The following CSMD1 variants were observed in gnomAD, a reference collection of about 807,000 sequenced individuals.
The protein encoded by CSMD1 is CUB and Sushi multiple domains 1.
Under a neutral mutation model 417.5 loss-of-function variants are expected in CSMD1, and 213 were observed. The ratio of observed to expected loss-of-function variants is 0.51; its 90% CI spans 0.46 to 0.57. The LOEUF (loss-of-function observed/expected upper bound fraction) is 0.57. CSMD1 is among the 20% of genes least tolerant of loss of function. CSMD1 has a pLI of 0.00. For missense variants in CSMD1, 6,923 were observed against 4,529.7 expected (o/e 1.53, Z -15.17); for synonymous variants, 2,862 against 1,736.8 (o/e 1.65, Z -16.11).
chr8:4,928,115 T>C (rs1345391848), intron 1 of CSMD1, among the ~76,000 whole-genome samples: 2 of 152,126 alleles, frequency 1.3e-5, no homozygotes, highest in Non-Finnish European at 2.9e-5. Flanking sequence ...CAGCCCACTT[T>C]GCTATTCCAC....
At chr8:3,786,119 T>C (rs868125043) in intron 5 of CSMD1, among the ~76,000 whole-genome samples, 2 of 152,016 alleles carry the variant, frequency 1.3e-5, no homozygotes, top group Admixed American at 6.6e-5. Flanking sequence ...GTGAATCAAA[T>C]AGAGGTGAGG....
In CSMD1 at chr8:3,646,207, T is replaced by A. The variant is rs142279497; in HGVS notation, c.1010-29410A>T. 5.3e-4 allele frequency among the ~76,000 whole-genome samples: 80 copies of A among 152,256 alleles called. No individual in the cohort carries two copies. In the East Asian group the frequency reaches 0.013, roughly 24 times the overall value. On this transcript the variant is annotated intron_variant, in intron 7 of 69. Transcript: ENST00000635120. ...ATAGTGATACATTATTTTATCATAT[T>A]TGAATAAAAATTACAGCACATGTAC... is the stretch of plus-strand genomic sequence containing the variant.
intron 30 of CSMD1, among the ~76,000 whole-genome samples, chr8:3,206,018 T>G (rs1797231459): frequency 6.6e-6 from 1 of 152,194 alleles, no homozygotes; most frequent in Non-Finnish European, 1.5e-5. Flanking sequence ...TTTCTATCAC[T>G]TTTATATTAA....
chr8:3,980,889 T>C (rs747666048), intron 5 of CSMD1, among the ~76,000 whole-genome samples: 8 of 152,206 alleles, frequency 5.3e-5, no homozygotes, highest in Non-Finnish European at 8.8e-5. Context: ...AGACTGTTTT[T>C]ATTTTCAGGC....
intron 1 of CSMD1, among the ~76,000 whole-genome samples, chr8:4,904,510 C>A (rs1056699844): frequency 6.6e-6 from 1 of 152,152 alleles, no homozygotes; most frequent in Non-Finnish European, 1.5e-5. Context: ...TCAGAGCCTA[C>A]TACCCTTTCC....
At chr8:3,976,055 A>T (rs1813412070) in intron 5 of CSMD1, among the ~76,000 whole-genome samples, 1 of 152,072 alleles carries the variant, frequency 6.6e-6, no homozygotes, top group Admixed American at 6.6e-5. Context: ...TGAAATCTGT[A>T]TTTGATATGT....
chr8:4,252,521 A>G (rs1385307497), intron 3 of CSMD1, among the ~76,000 whole-genome samples: 1 of 152,190 alleles, frequency 6.6e-6, no homozygotes, highest in Non-Finnish European at 1.5e-5. Flanking sequence ...GTTTCCTCAA[A>G]CACCATAAAA....
rs1489452258 is a variant in CSMD1 at position 3,889,541 on chromosome 8, A to G, written c.818+108362T>C. Among the ~76,000 whole-genome samples the G allele has an allele frequency of 6.1e-4, 55 of 90,048 alleles. 1 individual carries two copies. Among genetic ancestry groups the G allele is most frequent in the Non-Finnish European group, 1.3e-3 (50 of 38,104 alleles). The allele number at this position is 90,048 out of a possible 152,430, so 59.1% of individuals were successfully genotyped here. On this transcript the variant is annotated intron_variant, in intron 5 of 69. Transcript: ENST00000635120. ...TATATACATATATATACATACACAC[A>G]TATGTGTATATGTGTGTCTGTGTGT...
At chr8:3,866,015 A>C (rs987016630) in intron 5 of CSMD1, among the ~76,000 whole-genome samples, 3 of 152,154 alleles carry the variant, frequency 2.0e-5, no homozygotes, top group African/African-American at 7.2e-5. Flanking sequence ...TAGTGAGATA[A>C]ATCGCCACCA....
chr8:3,855,945 A>G (rs1322689120), intron 5 of CSMD1, among the ~76,000 whole-genome samples: 1 of 152,184 alleles, frequency 6.6e-6, no homozygotes, highest in East Asian at 1.9e-4. Context: ...TGAATCCCAG[A>G]AGCATCTCCC....
At position 4,066,435 on chromosome 8, in the gene CSMD1, A is replaced by G. The variant is rs549241194; in HGVS notation, c.416-34336T>C. Reference sequence around the variant, plus strand: ...CAGAACACCACAGAGTGCCTTGCACATGCTAGCTACCCGATAATATTTTCC... The same window carrying G: ...CAGAACACCACAGAGTGCCTTGCACGTGCTAGCTACCCGATAATATTTTCC... On this transcript the variant is annotated intron_variant, in intron 3 of 69. Coordinates refer to ENST00000635120, the MANE Select transcript of CSMD1 (RefSeq NM_033225.6). Among the ~76,000 whole-genome samples, 5 of 152,360 alleles carry G rather than the reference A, an allele frequency of 3.3e-5. No individual in the cohort carries two copies. In the South Asian group the frequency reaches 1.0e-3, roughly 32 times the overall value.
At chr8:4,050,927 T>C (rs1016940243) in intron 3 of CSMD1, among the ~76,000 whole-genome samples, 2 of 152,096 alleles carry the variant, frequency 1.3e-5, no homozygotes, top group Non-Finnish European at 2.9e-5. Context: ...AAGTGACCTA[T>C]ATTCCCATCC....
intron 3 of CSMD1, among the ~76,000 whole-genome samples, chr8:4,384,242 T>C (rs190090280): frequency 7.1e-4 from 106 of 148,972 alleles, no homozygotes; most frequent in African/African-American, 2.7e-3. Flanking sequence ...AGTGATAAAT[T>C]ACAGACTTTT....
intron 2 of CSMD1, among the ~76,000 whole-genome samples, chr8:4,435,141 T>A (rs1240364779): frequency 6.6e-6 from 1 of 152,166 alleles, no homozygotes; most frequent in Non-Finnish European, 1.5e-5. Flanking sequence ...AAAGTATCAG[T>A]AATATATTAT....
At chr8:3,790,988 G>A (rs1450656086) in intron 5 of CSMD1, among the ~76,000 whole-genome samples, 2 of 152,070 alleles carry the variant, frequency 1.3e-5, no homozygotes, top group African/African-American at 4.8e-5. Context: ...TTCAATTATA[G>A]GCAAATGGAA....
intron 18 of CSMD1, among the ~76,000 whole-genome samples, chr8:3,378,091 T>A (rs966760): frequency 6.6e-6 from 1 of 151,880 alleles, no homozygotes; most frequent in Non-Finnish European, 1.5e-5. Context: ...GTATTGAATA[T>A]TGGATGTGTT....
intron 7 of CSMD1, among the ~76,000 whole-genome samples, chr8:3,655,448 C>G (rs1447190713): frequency 6.6e-6 from 1 of 152,144 alleles, no homozygotes; most frequent in Non-Finnish European, 1.5e-5. Flanking sequence ...TATTTCATTA[C>G]TCTACATAAT....
intron 10 of CSMD1, among the ~76,000 whole-genome samples, chr8:3,504,412 G>A (rs1355170501): frequency 6.6e-6 from 1 of 152,260 alleles, no homozygotes; most frequent in East Asian, 1.9e-4. Context: ...GGATTTCTGG[G>A]ATTCAAGAAT....
At chr8:4,142,545 G>C (rs1803853752) in intron 3 of CSMD1, among the ~76,000 whole-genome samples, 1 of 151,262 alleles carries the variant, frequency 6.6e-6, no homozygotes, top group Non-Finnish European at 1.5e-5. Context: ...AACATGTTCA[G>C]ACACTAAAAT....
Sources: gnomAD v4.1 joint callset for allele counts (sites outside exome capture counted in the v4.1 genomes callset) on GRCh38, gnomAD v4.1.1 for gene constraint, MANE v1.5 for transcripts, NCBI Gene and HGNC (gene_info 2026-07-23, HGNC 2026-07-21) for gene names.